STOML2: variants seen among roughly 807,000 people sequenced by gnomAD.
The protein encoded by STOML2 is stomatin like 2.
A neutral mutation model predicts 45.7 loss-of-function variants in STOML2; 22 were observed. That is an observed-to-expected ratio of 0.48 (90% CI 0.34 to 0.69). STOML2 has a LOEUF of 0.69. Ranked by LOEUF, STOML2 falls within the 30% of genes least tolerant of loss-of-function variation. The pLI is 0.01. For missense variants in STOML2, 359 were observed against 466.9 expected, an observed-to-expected ratio of 0.77 and a Z score of 2.13; for synonymous variants, 181 against 182.7, an observed-to-expected ratio of 0.99 and a Z score of 0.08.
In STOML2 at chr9:35,101,124, C is replaced by T. The variant is rs1299195952; in HGVS notation, c.724+11G>A. 6.2e-7 allele frequency: 1 copy of T among 1,614,228 alleles called. No homozygotes were observed. The highest frequency in any genetic ancestry group is 1.7e-5 in the Admixed American group (1 of 60,024). ...GCCTTGCTCCTCCCTCAGCCTCTACCCTCTCCTGACCTGCTGCCTGATTTA... is the reference window on the plus strand; with the variant it reads ...GCCTTGCTCCTCCCTCAGCCTCTACTCTCTCCTGACCTGCTGCCTGATTTA... On this transcript the variant is annotated intron_variant, in intron 7 of 9. Transcript: ENST00000356493. The surrounding 1 kb of genome is among the most constrained non-coding windows in gnomAD (Gnocchi z 4.3).
In STOML2 at chr9:35,102,769, G is replaced by T; in HGVS notation, c.100C>A (p.Arg34=). ...GGCACGAACAGTACCACGGTGTTTC[G>T]GGGCAATCCAGAGGAGGCGCGGCGC... is the stretch of plus-strand genomic sequence containing the variant. ...APRRASSGLP[R]NTVVLFVPQQ... The change falls in exon 2 of 10, where the codon CGA becomes AGA. Residue 34 remains arginine (R), a synonymous_variant. Coordinates refer to ENST00000356493, the MANE Select transcript of STOML2 (RefSeq NM_013442.3). The surrounding 1 kb of genome is among the most constrained non-coding windows in gnomAD (Gnocchi z 4.8). The T allele has an allele frequency of 6.2e-7, 1 of 1,614,088 alleles. No individual in the cohort carries two copies. Among genetic ancestry groups the T allele is most frequent in the Admixed American group, 1.7e-5 (1 of 60,022 alleles).
At position 35,102,504 on chromosome 9, in the gene STOML2, G is replaced by A; in HGVS notation, c.183+182C>T. The A allele has an allele frequency of 9.9e-7, 1 of 1,008,840 alleles. No homozygotes were observed. The highest frequency in any genetic ancestry group is 1.4e-6 in the Non-Finnish European group (1 of 690,276). The allele number at this position is 1,008,840 out of a possible 1,614,324, so 62.5% of individuals were successfully genotyped here. A position where few individuals can be genotyped will look rare whatever the true frequency, so the allele number is the denominator to read the frequency against. ...GGAGATTCCCAAGAATGGGGCCTGT[G>A]AGATGCATAGGAAAAGGTGGTAACA... is the stretch of plus-strand genomic sequence containing the variant. On this transcript the variant is annotated intron_variant, in intron 2 of 9. Transcript: ENST00000356493. This position sits in a 1 kb window ranked among gnomAD's most constrained non-coding sequence, Gnocchi z 4.8.
At position 35,101,371 on chromosome 9, in the gene STOML2, C is replaced by T. The variant is rs1829812886; in HGVS notation, c.579+55G>A. On this transcript the variant is annotated intron_variant, in intron 6 of 9. Transcript: ENST00000356493. The surrounding 1 kb of genome is among the most constrained non-coding windows in gnomAD (Gnocchi z 4.3). Reference sequence around the variant, plus strand: ...ATCATAACAGGAGGGAAGTCTGGATCCTCCTGGTACTGGAGCACCCTGAGG... The same window carrying T: ...ATCATAACAGGAGGGAAGTCTGGATTCTCCTGGTACTGGAGCACCCTGAGG... The T allele has an allele frequency of 1.3e-6, 2 of 1,572,258 alleles. No individual in the cohort carries two copies. Among genetic ancestry groups the T allele is most frequent in the Non-Finnish European group, 1.7e-6 (2 of 1,159,190 alleles).
At chr9:35,103,018 C>T in intron 1 of STOML2, 32 bp downstream of exon 1, 1 of 1,613,880 alleles carries the variant, frequency 6.2e-7, no homozygotes, top group African/African-American at 1.3e-5. Flanking sequence ...AATCTCTGTC[C>T]TGACCCTCTG....
Position 35,103,104 on chromosome 9 carries a change from C to T in STOML2, c.-10G>A. On this transcript the variant is annotated 5_prime_UTR_variant, in exon 1 of 10. Transcript: ENST00000356493. The stretch of plus-strand genomic sequence containing the variant: ...CCGCGCGCGCCAGCATTTCCCACCG[C>T]CGCAGCGACCTCCGGAACCAACGAG... The T allele has an allele frequency of 6.2e-7, 1 of 1,613,068 alleles. No homozygotes were observed. Among genetic ancestry groups the T allele is most frequent in the Non-Finnish European group, 8.5e-7 (1 of 1,179,922 alleles).
Position 35,101,890 on chromosome 9 carries a change from T to G in STOML2, c.342+14A>C, listed in dbSNP as rs1184067922. ...GGGCAACTCAAAAGGCTGGATAAAG[T>G]AGGGGACAGGTACCTTGTAAGGGTC... On this transcript the variant is annotated intron_variant, in intron 4 of 9. Coordinates refer to ENST00000356493, the MANE Select transcript of STOML2 (RefSeq NM_013442.3). The surrounding 1 kb of genome is among the most constrained non-coding windows in gnomAD (Gnocchi z 4.3). 6.2e-7 allele frequency: 1 copy of G among 1,614,062 alleles called. No individual in the cohort carries two copies. The highest frequency in any genetic ancestry group is 1.7e-5 in the Admixed American group (1 of 60,000).
rs1714269763 is a variant in STOML2 at position 35,102,312 on chromosome 9, C to A, written c.184-118G>T. 5.8e-6 allele frequency: 5 copies of A among 858,826 alleles called. No individual in the cohort carries two copies. The South Asian group carries it at 8.5e-5, about 15-fold the overall frequency. The allele number at this position is 858,826 out of a possible 1,614,324, so 53.2% of individuals were successfully genotyped here. A position where few individuals can be genotyped will look rare whatever the true frequency, so the allele number is the denominator to read the frequency against. The stretch of plus-strand genomic sequence containing the variant: ...AACATGCCCAGAAAAGCAGCAGCTC[C>A]TACCAAGAAATAAGTCCTCAGAAGG... On this transcript the variant is annotated intron_variant, in intron 2 of 9. Transcript: ENST00000356493. The surrounding 1 kb of genome is among the most constrained non-coding windows in gnomAD (Gnocchi z 4.8).
Position 35,100,001 on chromosome 9 carries a change from T to C in STOML2, c.*34A>G. 6.3e-7 allele frequency: 1 copy of C among 1,596,120 alleles called. No homozygotes were observed. The highest frequency in any genetic ancestry group is 8.6e-7 in the Non-Finnish European group (1 of 1,166,910). On this transcript the variant is annotated 3_prime_UTR_variant, in exon 10 of 10. Transcript: ENST00000356493. ...GCCAGAATCAGGAAAATCTGCTTCC[T>C]TGTTCCCAGACTCCCTGGCCAAGCC...
rs371826983 is a variant in STOML2, at chr9:35,101,023, G to T, written c.725-12C>A. The stretch of plus-strand genomic sequence containing the variant: ...TGCACTGGCCTCTCCTGCAAGAGAA[G>T]GGACAGAGCTTGCTTGACCCATGAA... On this transcript the variant is annotated splice_polypyrimidine_tract_variant and intron_variant, in intron 7 of 9. Transcript: ENST00000356493. This position sits in a 1 kb window ranked among gnomAD's most constrained non-coding sequence, Gnocchi z 4.3. 3.7e-6 allele frequency: 6 copies of T among 1,613,592 alleles called. No individual in the cohort carries two copies. The highest frequency in any genetic ancestry group is 5.1e-6 in the Non-Finnish European group (6 of 1,179,630).
At chr9:35,103,152 G>C (rs1829864138), upstream of STOML2, 4 of 1,601,696 alleles carry the variant, frequency 2.5e-6, no homozygotes, top group East Asian at 8.9e-5. Flanking sequence ...GTCGCTCCCA[G>C]AAGCCTACCC....
chr9:35,101,774 G>T lies in STOML2; in HGVS notation c.380C>A (p.Thr127Asn). 2 of 1,614,162 alleles carry T rather than the reference G, an allele frequency of 1.2e-6. No individual in the cohort carries two copies. Among genetic ancestry groups the T allele is most frequent in the South Asian group, 1.1e-5 (1 of 91,084 alleles). Reference sequence around the variant, plus strand: ...TCTCATGGTTGTTTGAGCTAGCTGGGTGACGGCATACTCAGGGTCCTCCAC... The same window carrying T: ...TCTCATGGTTGTTTGAGCTAGCTGGTTGACGGCATACTCAGGGTCCTCCAC... ...YGVEDPEYAV[T>N]QLAQTTMRSE... The change falls in exon 5 of 10, where the codon ACC becomes AAC. Residue 127 changes from threonine to asparagine, a missense_variant. Coordinates refer to ENST00000356493, the MANE Select transcript of STOML2 (RefSeq NM_013442.3). This position sits in a 1 kb window ranked among gnomAD's most constrained non-coding sequence, Gnocchi z 4.3.
chr9:35,102,746 C>T lies in STOML2; in HGVS notation c.123G>A (p.Val41=), dbSNP rs2298309. ...CCACCACCCAGGCCTCCTGCTGCGG[C>T]ACGAACAGTACCACGGTGTTTCGGG... The part of the protein sequence containing the change: ...GLPRNTVVLF[V]PQQEAWVVER... The change falls in exon 2 of 10, where the codon GTG becomes GTA. Residue 41 remains valine, a synonymous_variant. Transcript: ENST00000356493. This position sits in a 1 kb window ranked among gnomAD's most constrained non-coding sequence, Gnocchi z 4.8. 1,361 of 1,613,984 alleles carry T rather than the reference C, an allele frequency of 8.4e-4. 22 individuals carry two copies. The East Asian group carries it at 0.027, about 32-fold the overall frequency.
rs1016579659 is a variant in STOML2 at position 35,103,105 on chromosome 9, C to T, written c.-11G>A. On this transcript the variant is annotated 5_prime_UTR_variant, in exon 1 of 10. Transcript: ENST00000356493. ...CGCGCGCGCCAGCATTTCCCACCGC[C>T]GCAGCGACCTCCGGAACCAACGAGA... is the stretch of plus-strand genomic sequence containing the variant. The T allele has an allele frequency of 2.5e-6, 4 of 1,612,940 alleles. No homozygotes were observed. Among genetic ancestry groups the T allele is most frequent in the Admixed American group, 3.3e-5 (2 of 59,960 alleles).
rs1829783477 is a variant in STOML2 at position 35,100,014 on chromosome 9, C to A, written c.*21G>T. ...AAATCTGCTTCCTTGTTCCCAGACT[C>A]CCTGGCCAAGCCCAGCTCCACTAAC... On this transcript the variant is annotated 3_prime_UTR_variant, in exon 10 of 10. Transcript: ENST00000356493. 6.8e-6 allele frequency: 11 copies of A among 1,608,602 alleles called. No individual in the cohort carries two copies. The highest frequency in any genetic ancestry group is 9.4e-6 in the Non-Finnish European group (11 of 1,175,526).
In STOML2 at chr9:35,101,773, G is replaced by A. The variant is rs1000472513; in HGVS notation, c.381C>T (p.Thr127=). The A allele has an allele frequency of 1.2e-6, 2 of 1,614,020 alleles. No homozygotes were observed. The highest frequency in any genetic ancestry group is 1.3e-5 in the African/African-American group (1 of 74,906). ...YGVEDPEYAV[T]QLAQTTMRSE... ...ATCTCATGGTTGTTTGAGCTAGCTGGGTGACGGCATACTCAGGGTCCTCCA... is the reference window on the plus strand; with the variant it reads ...ATCTCATGGTTGTTTGAGCTAGCTGAGTGACGGCATACTCAGGGTCCTCCA... The change falls in exon 5 of 10, where the codon ACC becomes ACT. Residue 127 remains threonine, a synonymous_variant. Coordinates refer to ENST00000356493, the MANE Select transcript of STOML2 (RefSeq NM_013442.3). The surrounding 1 kb of genome is among the most constrained non-coding windows in gnomAD (Gnocchi z 4.3).
Position 35,101,588 on chromosome 9 carries a change from C to A in STOML2, c.445-28G>T, listed in dbSNP as rs1278059401. ...GGAAAAAGAGGTGTAAGCCCCACAG[C>A]CTCAACCTACCTATCAAGGGCCTAC... On this transcript the variant is annotated intron_variant, in intron 5 of 9. Coordinates refer to ENST00000356493, the MANE Select transcript of STOML2 (RefSeq NM_013442.3). The surrounding 1 kb of genome is among the most constrained non-coding windows in gnomAD (Gnocchi z 4.3). 1.9e-6 allele frequency: 3 copies of A among 1,613,972 alleles called. No individual in the cohort carries two copies. Among genetic ancestry groups the A allele is most frequent in the African/African-American group, 1.3e-5 (1 of 75,052 alleles).
chr9:35,101,353 C>G lies in STOML2; in HGVS notation c.579+73G>C. The stretch of plus-strand genomic sequence containing the variant: ...AGACATGCAACTCTACCCATCATAA[C>G]AGGAGGGAAGTCTGGATCCTCCTGG... On this transcript the variant is annotated intron_variant, in intron 6 of 9. Transcript: ENST00000356493. This position sits in a 1 kb window ranked among gnomAD's most constrained non-coding sequence, Gnocchi z 4.3. 6.2e-7 allele frequency: 1 copy of G among 1,611,454 alleles called. No individual in the cohort carries two copies. Among genetic ancestry groups the G allele is most frequent in the Non-Finnish European group, 8.5e-7 (1 of 1,178,746 alleles).
At position 35,100,097 on chromosome 9, in the gene STOML2, T is replaced by C; in HGVS notation, c.1009A>G (p.Arg337Gly). 6.2e-7 allele frequency: 1 copy of C among 1,614,210 alleles called. No homozygotes were observed. The highest frequency in any genetic ancestry group is 1.1e-5 in the South Asian group (1 of 91,088). ...TPDSLSSGSSRDVQGTDASLD... is the reference protein window; with the variant it reads ...TPDSLSSGSSGDVQGTDASLD... ...CTTGCATCTGTACCCTGGACATCTC[T>C]GCTGCTCCCACTGGAGAGTGAGTCT... is the stretch of plus-strand genomic sequence containing the variant. Residue 337 changes from arginine (R) to glycine (G), a missense_variant, in exon 10 of 10, where the codon AGA (arginine) becomes GGA (glycine). Coordinates refer to ENST00000356493, the MANE Select transcript of STOML2 (RefSeq NM_013442.3).
Position 35,102,633 on chromosome 9 carries a change from C to T in STOML2, c.183+53G>A, listed in dbSNP as rs1024283394. The T allele has an allele frequency of 6.2e-7, 1 of 1,601,906 alleles. No homozygotes were observed. Among genetic ancestry groups the T allele is most frequent in the Non-Finnish European group, 8.5e-7 (1 of 1,175,094 alleles). On this transcript the variant is annotated intron_variant, in intron 2 of 9. Transcript: ENST00000356493. This position sits in a 1 kb window ranked among gnomAD's most constrained non-coding sequence, Gnocchi z 4.8. ...AGGAAGTCCTCCCGACATTGCATGT[C>T]GTGAGGGATTGGTCATCTGGCTGGC...
Sources: allele counts gnomAD v4.1 joint callset, GRCh38; gene constraint gnomAD v4.1.1; non-coding constraint Gnocchi (gnomAD v3.1); transcripts MANE v1.5; gene names NCBI Gene and HGNC (gene_info 2026-07-23, HGNC 2026-07-21).